Variants in RAD51B observed in about 807,000 individuals in gnomAD.
The protein encoded by RAD51B is RAD51 paralog B, also known as DNA repair protein RAD51 homolog 2.
A neutral mutation model predicts 42.2 loss-of-function variants in RAD51B; 38 were observed. The ratio of observed to expected loss-of-function variants is 0.90; its 90% CI spans 0.70 to 1.18. The LOEUF (loss-of-function observed/expected upper bound fraction) is 1.18, where lower values mean the gene tolerates loss of function less well. Ranked by LOEUF, RAD51B falls within the 50% of genes most tolerant of loss-of-function variation. RAD51B has a pLI of 0.00. For synonymous variants in RAD51B, 154 were observed against 145.2 expected (o/e 1.06, Z -0.43); for missense variants, 373 against 400.7 (o/e 0.93, Z 0.59).
chr14:68,094,594 G>T (rs1008705460), intron 7 of RAD51B, among the ~76,000 whole-genome samples: 1 of 152,080 alleles, frequency 6.6e-6, no homozygotes, highest in Non-Finnish European at 1.5e-5. Flanking sequence ...GCTTATGAAG[G>T]TTTAGGAGGA....
intron 7 of RAD51B, among the ~76,000 whole-genome samples, chr14:67,970,014 C>T (rs1056095347): frequency 3.9e-5 from 6 of 152,138 alleles, no homozygotes; most frequent in East Asian, 1.9e-4. Flanking sequence ...TCATATACCA[C>T]GAACAAAAGG....
chr14:68,395,618 G>A (rs2083894701), intron 8 of RAD51B, among the ~76,000 whole-genome samples: 1 of 152,166 alleles, frequency 6.6e-6, no homozygotes, highest in Non-Finnish European at 1.5e-5. Flanking sequence ...TTGTTGTGCT[G>A]TTTTTAATTT....
At chr14:67,883,142 C>G (rs1225585586) in intron 5 of RAD51B, among the ~76,000 whole-genome samples, 1 of 152,118 alleles carries the variant, frequency 6.6e-6, no homozygotes, top group African/African-American at 2.4e-5. Context: ...ACTACCAGCT[C>G]TTAACTGGTC....
chr14:68,164,796 T>G (rs938313084), intron 7 of RAD51B, among the ~76,000 whole-genome samples: 4 of 152,188 alleles, frequency 2.6e-5, no homozygotes, highest in Admixed American at 2.0e-4. Flanking sequence ...TTCAGTAACA[T>G]GTACCAGATG....
intron 7 of RAD51B, among the ~76,000 whole-genome samples, chr14:67,927,946 G>T (rs2044585129): frequency 6.6e-6 from 1 of 151,814 alleles, no homozygotes. Flanking sequence ...TCTTCATCAG[G>T]GTTATTGGTC....
At chr14:68,604,684 C>G (rs1307256392) in intron 10 of RAD51B, among the ~76,000 whole-genome samples, 2 of 152,208 alleles carry the variant, frequency 1.3e-5, no homozygotes, top group African/African-American at 4.8e-5. Flanking sequence ...CATCGAAGGT[C>G]AAGGTTGGAG....
intron 8 of RAD51B, among the ~76,000 whole-genome samples, chr14:68,350,079 C>T (rs1594705969): frequency 6.6e-6 from 1 of 152,126 alleles, no homozygotes; most frequent in African/African-American, 2.4e-5. Context: ...TAGCTTCCAC[C>T]ACATGTTTAC....
intron 10 of RAD51B, among the ~76,000 whole-genome samples, chr14:68,471,783 G>A (rs752065268): frequency 2.0e-5 from 3 of 151,804 alleles, no homozygotes; most frequent in Non-Finnish European, 4.4e-5. Context: ...CCATTAACAT[G>A]GTAATACCAT....
chr14:68,138,188 A>G (rs2078050177), intron 7 of RAD51B, among the ~76,000 whole-genome samples: 1 of 151,804 alleles, frequency 6.6e-6, no homozygotes, highest in Non-Finnish European at 1.5e-5. Flanking sequence ...AGAGTTTTCC[A>G]CTCCTAATGA....
chr14:68,007,289 C>T (rs1167451742), intron 7 of RAD51B, among the ~76,000 whole-genome samples: 1 of 151,962 alleles, frequency 6.6e-6, no homozygotes, highest in East Asian at 1.9e-4. Flanking sequence ...CTCAGTTTTA[C>T]TTTTTGTCTA....
At chr14:68,343,372 C>CTTTTCTA (rs1360891122) in intron 8 of RAD51B, among the ~76,000 whole-genome samples, 1 of 152,062 alleles carries the variant, frequency 6.6e-6, no homozygotes, top group Non-Finnish European at 1.5e-5. Flanking sequence ...TCTATTTTTG[C>CTTTTCTA]TTTTGTTGCA....
At chr14:68,122,187 C>G (rs1278499232) in intron 7 of RAD51B, among the ~76,000 whole-genome samples, 1 of 151,982 alleles carries the variant, frequency 6.6e-6, no homozygotes, top group African/African-American at 2.4e-5. Context: ...AAAGTCTTTT[C>G]AAGTATAATA....
intron 10 of RAD51B, among the ~76,000 whole-genome samples, chr14:68,532,067 AT>A (rs1165061641): frequency 1.3e-5 from 2 of 152,252 alleles, no homozygotes; most frequent in African/African-American, 4.8e-5. Context: ...ATAAATTGAC[AT>A]AACAGGCCAC....
intron 9 of RAD51B, 146 bp from the exon 10 acceptor site, chr14:68,468,026 G>A: frequency 1.5e-6 from 1 of 670,066 alleles, no homozygotes; most frequent in Non-Finnish European, 2.6e-6. Flanking sequence ...TTAAACATTG[G>A]GTTATAAAAT....
chr14:67,938,618 C>T (rs1275301128), intron 7 of RAD51B, among the ~76,000 whole-genome samples: 2 of 152,156 alleles, frequency 1.3e-5, no homozygotes, highest in East Asian at 3.8e-4. Context: ...ATAGTAGGGG[C>T]TTCTCAGTCA....
chr14:68,019,578 C>A (rs2075830526), intron 7 of RAD51B, among the ~76,000 whole-genome samples: 1 of 151,830 alleles, frequency 6.6e-6, no homozygotes, highest in South Asian at 2.1e-4. Flanking sequence ...GCAAAACCTG[C>A]ATGTATGGAG....
intron 7 of RAD51B, among the ~76,000 whole-genome samples, chr14:68,171,452 A>C (rs1332331558): frequency 6.6e-6 from 1 of 151,360 alleles, no homozygotes; most frequent in East Asian, 1.9e-4. Flanking sequence ...GGCGCCCACC[A>C]CCACACCCAG....
rs182788761 is a variant in RAD51B, at chr14:68,337,314, G to A, written c.853+45334G>A. ...ACCAAAATGATTCAGATTTAAAGCT[G>A]CAGTGGATAGTTTATTGATACATGA... On this transcript the variant is annotated intron_variant, in intron 8 of 10. Transcript: ENST00000471583. 1.0e-3 allele frequency among the ~76,000 whole-genome samples: 155 copies of A among 152,278 alleles called. 1 individual carries two copies. Among genetic ancestry groups the A allele is most frequent in the Non-Finnish European group, 1.5e-3 (100 of 68,016 alleles).
chr14:68,537,918 G>A (rs1347602354), intron 10 of RAD51B, among the ~76,000 whole-genome samples: 1 of 152,188 alleles, frequency 6.6e-6, no homozygotes, highest in Admixed American at 6.5e-5. Context: ...ACGAAAAGAT[G>A]ATGATTTACC....
Sources: gnomAD v4.1 joint callset for allele counts (sites outside exome capture counted in the v4.1 genomes callset) on GRCh38, gnomAD v4.1.1 for gene constraint, MANE v1.5 for transcripts, NCBI Gene and HGNC (gene_info 2026-07-23, HGNC 2026-07-21) for gene names.